CSMD1: variants seen among roughly 807,000 people sequenced by gnomAD.
CSMD1 encodes CUB and Sushi multiple domains 1, also known as CUB and sushi domain-containing protein 1.
In CSMD1, 213 loss-of-function variants were observed where a neutral mutation model predicts 417.5. That is an observed-to-expected ratio of 0.51 (90% CI 0.46 to 0.57). The LOEUF is 0.57. Ranked by LOEUF, CSMD1 falls within the 20% of genes least tolerant of loss-of-function variation. CSMD1 has a pLI of 0.00. For missense variants in CSMD1, 6,923 were observed against 4,529.7 expected (o/e 1.53, Z -15.17); for synonymous variants, 2,862 against 1,736.8 (o/e 1.65, Z -16.11).
At chr8:4,175,242 A>G (rs1282877878) in intron 3 of CSMD1, among the ~76,000 whole-genome samples, 1 of 152,160 alleles carries the variant, frequency 6.6e-6, no homozygotes, top group Non-Finnish European at 1.5e-5. Flanking sequence ...ATGTCAACCA[A>G]TTAAATGAAA....
At chr8:4,017,815 CTGGAGATCT>C (rs1320687170) in intron 4 of CSMD1, among the ~76,000 whole-genome samples, 1 of 152,138 alleles carries the variant, frequency 6.6e-6, no homozygotes, top group Non-Finnish European at 1.5e-5. Flanking sequence ...GATAACATTT[CTGGAGATCT>C]CAGCTGTTTG....
At chr8:3,285,578 T>C (rs917429022) in intron 25 of CSMD1, among the ~76,000 whole-genome samples, 1 of 151,830 alleles carries the variant, frequency 6.6e-6, no homozygotes, top group East Asian at 1.9e-4. Context: ...TTTGTATTTA[T>C]AGTAGACATG....
chr8:3,595,809 C>T (rs549909090), intron 8 of CSMD1, among the ~76,000 whole-genome samples: 4 of 152,304 alleles, frequency 2.6e-5, no homozygotes, highest in East Asian at 3.9e-4. Flanking sequence ...TAAATCCTCA[C>T]GTTCACCCAC....
intron 3 of CSMD1, among the ~76,000 whole-genome samples, chr8:4,302,719 CTT>C (rs1028138034): frequency 5.3e-5 from 8 of 152,142 alleles, no homozygotes; most frequent in African/African-American, 1.9e-4. Context: ...TTTCAACACT[CTT>C]TTCTTCTCAT....
At chr8:4,303,152 C>A (rs1303389651) in intron 3 of CSMD1, among the ~76,000 whole-genome samples, 1 of 152,080 alleles carries the variant, frequency 6.6e-6, no homozygotes, top group Non-Finnish European at 1.5e-5. Flanking sequence ...CTAAAACTTC[C>A]CTCAAACATA....
intron 2 of CSMD1, among the ~76,000 whole-genome samples, chr8:4,594,195 C>CTTTTTTTTTTTTTTTTTTTT (rs771415822): frequency 2.2e-5 from 2 of 92,374 alleles, no homozygotes; most frequent in Non-Finnish European, 4.1e-5. Flanking sequence ...CTAAAGTGAT[C>CTTTTTTTTTTTTTTTTTTTT]TTTTTTTTTT....
At chr8:4,321,499 C>T (rs1409606897) in intron 3 of CSMD1, among the ~76,000 whole-genome samples, 2 of 152,040 alleles carry the variant, frequency 1.3e-5, no homozygotes, top group African/African-American at 2.4e-5. Context: ...ACAAACAAAC[C>T]CACAGCAGAG....
intron 12 of CSMD1, among the ~76,000 whole-genome samples, chr8:3,439,311 T>TATATATATATATATATA (rs1563390619): frequency 2.2e-4 from 8 of 36,294 alleles, no homozygotes; most frequent in Admixed American, 1.4e-3. Flanking sequence ...ATATATATAT[T>TATATATATATATATATA]TTTTTTTTTA....
intron 7 of CSMD1, among the ~76,000 whole-genome samples, chr8:3,673,561 C>T (rs895399830): frequency 1.3e-5 from 2 of 152,094 alleles, no homozygotes; most frequent in Non-Finnish European, 2.9e-5. Flanking sequence ...AAGAGCCTAC[C>T]CTCTCAGTAT....
rs554606168 is a variant in CSMD1 at position 4,575,159 on chromosome 8, C to T, written c.302+62183G>A. Among the ~76,000 whole-genome samples, 6 of 152,312 alleles carry T rather than the reference C, an allele frequency of 3.9e-5. No individual in the cohort carries two copies. The East Asian group carries it at 1.2e-3, about 29-fold the overall frequency. On this transcript the variant is annotated intron_variant, in intron 2 of 69. Transcript: ENST00000635120. ...AAATATTTTTGCAGTCTCTATAGCA[C>T]TGTGGCCAAGAACTGTATCTTATCA...
At chr8:4,093,720 G>C (rs531467480) in intron 3 of CSMD1, among the ~76,000 whole-genome samples, 1 of 152,252 alleles carries the variant, frequency 6.6e-6, no homozygotes, top group East Asian at 1.9e-4. Flanking sequence ...CGGCACTTTG[G>C]GAGGCTGAGG....
intron 3 of CSMD1, among the ~76,000 whole-genome samples, chr8:4,245,953 A>G (rs1045306129): frequency 2.0e-5 from 3 of 152,170 alleles, no homozygotes; most frequent in East Asian, 3.8e-4. Flanking sequence ...CTTCTAAACA[A>G]TACAATCTAT....
chr8:3,501,964 T>C (rs1039334535), intron 10 of CSMD1, among the ~76,000 whole-genome samples: 6 of 152,184 alleles, frequency 3.9e-5, no homozygotes, highest in Non-Finnish European at 4.4e-5. Context: ...ACAACAATCA[T>C]TGCTGATGGG....
chr8:3,097,033 T>G lies in CSMD1; in HGVS notation c.6954A>C (p.Gln2318His), dbSNP rs1395152495. Residue 2318 changes from glutamine (Q) to histidine (H), a missense_variant, in exon 47 of 70, where the codon CAA becomes CAC. Gln to His is a conservative substitution (Grantham distance 24, BLOSUM62 0). Transcript: ENST00000635120. ...FEGSLPTCEA[Q>H]CPANEVRTGS... ...CAGTCCGGACTTCATTTGCTGGGCA[T>G]TGTGCTGGAGAGAAAAGTACCAGCA... The G allele has an allele frequency of 6.5e-7, 1 of 1,543,246 alleles. No individual in the cohort carries two copies. Among genetic ancestry groups the G allele is most frequent in the Non-Finnish European group, 8.7e-7 (1 of 1,143,700 alleles).
chr8:4,401,524 C>A (rs1356143067), intron 3 of CSMD1, among the ~76,000 whole-genome samples: 1 of 152,096 alleles, frequency 6.6e-6, no homozygotes, highest in South Asian at 2.1e-4. Flanking sequence ...TCAGCTTCTA[C>A]CCTCCCAGCA....
intron 5 of CSMD1, among the ~76,000 whole-genome samples, chr8:3,945,255 C>T (rs539685073): frequency 2.2e-4 from 33 of 150,108 alleles, no homozygotes; most frequent in African/African-American, 7.6e-4. Context: ...TTAATATAAG[C>T]TGAACAATAC....
intron 3 of CSMD1, among the ~76,000 whole-genome samples, chr8:4,109,119 T>C (rs1224674162): frequency 6.6e-6 from 1 of 152,184 alleles, no homozygotes; most frequent in Non-Finnish European, 1.5e-5. Flanking sequence ...CATCTCTAGA[T>C]TATTTATAAT....
At chr8:3,822,092 G>A (rs1368167305) in intron 5 of CSMD1, among the ~76,000 whole-genome samples, 5 of 152,078 alleles carry the variant, frequency 3.3e-5, no homozygotes, top group Non-Finnish European at 7.4e-5. Context: ...AATGTCCTAT[G>A]TTTTGTCTCC....
intron 3 of CSMD1, among the ~76,000 whole-genome samples, chr8:4,122,573 G>C (rs940889349): frequency 6.6e-6 from 1 of 152,146 alleles, no homozygotes; most frequent in African/African-American, 2.4e-5. Context: ...ATGTTTGGAG[G>C]ACATCGCATG....
Sources: gnomAD v4.1 joint callset for allele counts (sites outside exome capture counted in the v4.1 genomes callset) on GRCh38, gnomAD v4.1.1 for gene constraint, MANE v1.5 for transcripts, NCBI Gene and HGNC (gene_info 2026-07-23, HGNC 2026-07-21) for gene names.